The following OLFM3 variants were observed in gnomAD, a reference collection of about 807,000 sequenced individuals.
OLFM3 encodes the protein olfactomedin 3, also known as noelin-3.
OLFM3 carries 20 observed loss-of-function variants against 48.6 expected under a neutral mutation model. The ratio of observed to expected loss-of-function variants is 0.41; its 90% CI spans 0.29 to 0.60. The LOEUF is 0.60. OLFM3 is among the 20% of genes least tolerant of loss of function. OLFM3 has a pLI of 0.28. For synonymous variants in OLFM3, 222 were observed against 198.1 expected, an observed-to-expected ratio of 1.12 and a Z score of -1.01; for missense variants, 437 against 544.3, an observed-to-expected ratio of 0.80 and a Z score of 1.96.
At chr1:101,837,102 A>C in intron 1 of OLFM3, 77 bp from the exon 2 acceptor site, 1 of 1,393,896 alleles carries the variant, frequency 7.2e-7, no homozygotes, top group Non-Finnish European at 9.8e-7. Flanking sequence ...TAGCATTTCA[A>C]GTAAAACACT....
chr1:101,839,198 T>C (rs897674288), intron 1 of OLFM3, among the ~76,000 whole-genome samples: 4 of 152,244 alleles, frequency 2.6e-5, no homozygotes, highest in African/African-American at 9.6e-5. Context: ...CCTTTTATTT[T>C]TGGGGGTCAG....
At chr1:101,937,822 C>A (rs1659669726) in intron 1 of OLFM3, among the ~76,000 whole-genome samples, 1 of 152,208 alleles carries the variant, frequency 6.6e-6, no homozygotes. Context: ...TATACATATA[C>A]AACATCTGGT....
At chr1:101,889,139 A>G (rs181274638) in intron 1 of OLFM3, among the ~76,000 whole-genome samples, 1,906 of 152,336 alleles carry the variant, frequency 0.013, 51 homozygotes, top group Admixed American at 0.065. Flanking sequence ...TGACCCAGCC[A>G]TCCCATTACT....
intron 1 of OLFM3, among the ~76,000 whole-genome samples, chr1:101,920,749 T>C (rs1014212645): frequency 6.6e-6 from 1 of 152,220 alleles, no homozygotes; most frequent in Non-Finnish European, 1.5e-5. Context: ...TCCTCAGAGT[T>C]GTCTCTGGTG....
At chr1:101,812,581 T>G in intron 4 of OLFM3, 1 of 985,560 alleles carries the variant, frequency 1.0e-6, no homozygotes, top group Non-Finnish European at 1.2e-6. Flanking sequence ...GAGCCTTATC[T>G]AATCGACATT....
intron 4 of OLFM3, among the ~76,000 whole-genome samples, chr1:101,809,308 T>G (rs1168116349): frequency 6.6e-6 from 1 of 151,688 alleles, no homozygotes; most frequent in East Asian, 1.9e-4. Flanking sequence ...AAGAGTAAAT[T>G]GAAATGGAAA....
At chr1:101,880,957 G>A (rs1304388300) in intron 1 of OLFM3, among the ~76,000 whole-genome samples, 3 of 151,848 alleles carry the variant, frequency 2.0e-5, no homozygotes, top group Non-Finnish European at 4.4e-5. Flanking sequence ...TTACCACATG[G>A]TAGAGAACAC....
chr1:101,816,351 T>A (rs1272365835), intron 4 of OLFM3, among the ~76,000 whole-genome samples: 1 of 152,146 alleles, frequency 6.6e-6, no homozygotes, highest in Admixed American at 6.6e-5. Context: ...ATAAAAATAA[T>A]CTAGTAGGGA....
At chr1:101,940,226 GAA>G (rs955385012) in intron 1 of OLFM3, among the ~76,000 whole-genome samples, 2 of 151,688 alleles carry the variant, frequency 1.3e-5, no homozygotes, top group African/African-American at 2.4e-5. Flanking sequence ...AAAAACTGAT[GAA>G]AAAAAGTGGA....
intron 1 of OLFM3, among the ~76,000 whole-genome samples, chr1:101,962,680 T>C (rs1295616164): frequency 1.3e-5 from 2 of 152,190 alleles, no homozygotes; most frequent in Admixed American, 1.3e-4. Flanking sequence ...TTGTCCCTTA[T>C]AATAATCAAA....
intron 1 of OLFM3, among the ~76,000 whole-genome samples, chr1:101,975,773 C>T (rs1447747361): frequency 6.6e-6 from 1 of 152,032 alleles, no homozygotes; most frequent in African/African-American, 2.4e-5. Context: ...AGAATGTTAG[C>T]CCATTGCACA....
chr1:101,942,281 C>A (rs1217288654), intron 1 of OLFM3, among the ~76,000 whole-genome samples: 2 of 152,036 alleles, frequency 1.3e-5, no homozygotes, highest in African/African-American at 4.8e-5. Context: ...TGTCTAAAGA[C>A]CACAGAATGA....
intron 1 of OLFM3, among the ~76,000 whole-genome samples, chr1:101,926,972 T>C (rs1659291761): frequency 6.6e-6 from 1 of 152,138 alleles, no homozygotes; most frequent in Admixed American, 6.6e-5. Context: ...AATAATACAA[T>C]CGCTTTTTCC....
At chr1:101,816,093 T>G (rs1654323054) in intron 4 of OLFM3, among the ~76,000 whole-genome samples, 1 of 152,188 alleles carries the variant, frequency 6.6e-6, no homozygotes. Context: ...CACTAAGATG[T>G]CTAGCAGCAT....
intron 1 of OLFM3, among the ~76,000 whole-genome samples, chr1:101,880,471 G>A (rs1657479445): frequency 1.3e-5 from 2 of 151,684 alleles, no homozygotes; most frequent in Non-Finnish European, 2.9e-5. Flanking sequence ...TGAAACTAGG[G>A]GAATTTCAGG....
intron 1 of OLFM3, among the ~76,000 whole-genome samples, chr1:101,975,459 C>T (rs531070143): frequency 6.6e-6 from 1 of 151,916 alleles, no homozygotes; most frequent in East Asian, 1.9e-4. Flanking sequence ...TTTTTTGCGG[C>T]GGGTAGAGAA....
At chr1:101,970,208 G>T (rs1350053886) in intron 1 of OLFM3, among the ~76,000 whole-genome samples, 1 of 152,044 alleles carries the variant, frequency 6.6e-6, no homozygotes, top group Non-Finnish European at 1.5e-5. Context: ...GTAGAGTTGG[G>T]GTTTCACCAT....
chr1:101,813,072 C>T (rs1353050719), intron 4 of OLFM3: 2 of 1,278,232 alleles, frequency 1.6e-6, no homozygotes, highest in Admixed American at 2.4e-5. Flanking sequence ...CGTGTTATAG[C>T]TTCCCAAAAT....
chr1:101,816,513 T>G (rs909998037), intron 4 of OLFM3, among the ~76,000 whole-genome samples: 3 of 152,150 alleles, frequency 2.0e-5, no homozygotes, highest in Non-Finnish European at 2.9e-5. Flanking sequence ...TTTACTCCCA[T>G]CAATTTCACA....
Sources: gnomAD v4.1 joint callset for allele counts (sites outside exome capture counted in the v4.1 genomes callset) on GRCh38, gnomAD v4.1.1 for gene constraint, MANE v1.5 for transcripts, NCBI Gene and HGNC (gene_info 2026-07-23, HGNC 2026-07-21) for gene names.